Variants in SYNE2 observed in about 807,000 individuals in gnomAD.
The protein encoded by SYNE2 is spectrin repeat containing nuclear envelope protein 2.
In SYNE2, 431 loss-of-function variants were observed where a neutral mutation model predicts 856.3. The observed-to-expected ratio is 0.50, with a 90% CI of 0.47 to 0.55. The LOEUF (loss-of-function observed/expected upper bound fraction) is 0.55. Among genes scored for constraint, SYNE2 ranks in the 20% least tolerant of loss-of-function variants. The pLI, the probability that SYNE2 is intolerant of heterozygous loss-of-function variation, is 0.00. For missense variants in SYNE2, 8,129 were observed against 8,023.2 expected (o/e 1.01, Z -0.50); for synonymous variants, 2,923 against 2,872.3 (o/e 1.02, Z -0.56).
At chr14:63,924,663 T>C (rs1432873503) in intron 2 of SYNE2, among the ~76,000 whole-genome samples, 2 of 152,198 alleles carry the variant, frequency 1.3e-5, no homozygotes, top group African/African-American at 2.4e-5. Flanking sequence ...GATTTTTTCA[T>C]TGGCAGTATA....
chr14:63,978,664 G>T (rs2096563114), intron 13 of SYNE2, among the ~76,000 whole-genome samples, 188 bp from the exon 14 acceptor site: 1 of 152,068 alleles, frequency 6.6e-6, no homozygotes, highest in South Asian at 2.1e-4. Context: ...CCTTAGAAAT[G>T]GTTGTTGTAT....
chr14:64,116,276 T>G (rs551119515), intron 66 of SYNE2, among the ~76,000 whole-genome samples: 1 of 152,202 alleles, frequency 6.6e-6, no homozygotes, highest in South Asian at 2.1e-4. Flanking sequence ...AAGACATAAA[T>G]TAAAACAGCT....
chr14:63,935,840 C>T (rs1390923786), intron 2 of SYNE2, among the ~76,000 whole-genome samples: 1 of 152,114 alleles, frequency 6.6e-6, no homozygotes, highest in African/African-American at 2.4e-5. Context: ...GTAGTCAGAC[C>T]TCATCTCTAC....
chr14:64,172,131 G>A (rs1003875678), intron 94 of SYNE2, among the ~76,000 whole-genome samples: 1 of 152,150 alleles, frequency 6.6e-6, no homozygotes, highest in African/African-American at 2.4e-5. Context: ...GATTACAGGC[G>A]TGAGCCACTG....
At chr14:63,805,488 G>A (rs920764792) in intron 1 of SYNE2, among the ~76,000 whole-genome samples, 1 of 152,140 alleles carries the variant, frequency 6.6e-6, no homozygotes, top group South Asian at 2.1e-4. Flanking sequence ...CCGGGTTCAC[G>A]CCATTCTCCT....
chr14:63,982,875 A>C (rs1304525823), intron 17 of SYNE2, 81 bp downstream of exon 17: 2 of 1,435,488 alleles, frequency 1.4e-6, no homozygotes, highest in Non-Finnish European at 1.9e-6. Flanking sequence ...GTTCATAACC[A>C]ATTGATTTCT....
intron 59 of SYNE2, among the ~76,000 whole-genome samples, chr14:64,090,208 T>C (rs1485258791): frequency 6.6e-6 from 1 of 152,200 alleles, no homozygotes; most frequent in Non-Finnish European, 1.5e-5. Context: ...GCTCTGCCTC[T>C]TACAGACTAA....
chr14:63,851,888 G>C (rs1443907936), upstream of SYNE2, among the ~76,000 whole-genome samples: 1 of 149,274 alleles, frequency 6.7e-6, no homozygotes, highest in Non-Finnish European at 1.5e-5. Context: ...TTTGAGACTA[G>C]CTTGGGCAAC....
At chr14:63,832,897 C>T (rs1256821115) in intron 1 of SYNE2, among the ~76,000 whole-genome samples, 1 of 147,334 alleles carries the variant, frequency 6.8e-6, no homozygotes, top group African/African-American at 2.5e-5. Flanking sequence ...AAAATTAGTC[C>T]GGTATGGTGG....
At chr14:64,184,693 C>G (rs1869212654) in intron 96 of SYNE2, among the ~76,000 whole-genome samples, 1 of 152,070 alleles carries the variant, frequency 6.6e-6, no homozygotes, top group Non-Finnish European at 1.5e-5. Context: ...CCAAAGTGTT[C>G]CACTGTGGAA....
At chr14:64,213,399 G>T (rs1297460781) in intron 105 of SYNE2, among the ~76,000 whole-genome samples, 1 of 152,094 alleles carries the variant, frequency 6.6e-6, no homozygotes, top group Non-Finnish European at 1.5e-5. Flanking sequence ...TTTAGTATTT[G>T]TGCCTTTCTG....
chr14:64,098,818 C>T lies in SYNE2; in HGVS notation c.12378C>T (p.Ser4126=), dbSNP rs36007735. 10,922 of 1,613,616 alleles carry T rather than the reference C, an allele frequency of 6.8e-3. 52 individuals are homozygous for T. Among genetic ancestry groups the T allele is most frequent in the Middle Eastern group, 0.013 (81 of 6,062 alleles). The change falls in exon 63 of 116, where the codon AGC becomes AGT. Residue 4126 remains serine, a synonymous_variant. Transcript: ENST00000555002. ...EEEVEESSVK[S]DNGDEKAEPS... ...AGGTGGAAGAAAGTTCCGTGAAGAG[C>T]GATGTAAGGGAAATGATTTTCTTGT...
At chr14:64,162,593 G>A in intron 88 of SYNE2, 1 of 404,756 alleles carries the variant, frequency 2.5e-6, no homozygotes, top group Non-Finnish European at 4.7e-6. Flanking sequence ...TCAACTGAGT[G>A]TGACCCTGTA....
At position 64,065,572 on chromosome 14, in the gene SYNE2, G is replaced by T; in HGVS notation, c.10353G>T (p.Leu3451=). The T allele has an allele frequency of 6.2e-7, 1 of 1,614,186 alleles. No homozygotes were observed. The highest frequency in any genetic ancestry group is 2.2e-5 in the East Asian group (1 of 44,884). The change falls in exon 51 of 116, where the codon CTG becomes CTT. Residue 3451 remains leucine (L), a synonymous_variant. Coordinates refer to ENST00000555002, the MANE Select transcript of SYNE2 (RefSeq NM_182914.3). ...KIVSALWEKW[L]SLLEAAKEWE... is the part of the protein sequence containing the mutation. The stretch of plus-strand genomic sequence containing the variant: ...TGTCGGCTCTGTGGGAGAAATGGCT[G>T]AGTTTGCTGGAAGCTGCTAAAGAGT...
At chr14:63,832,318 C>T (rs1312332000) in intron 1 of SYNE2, among the ~76,000 whole-genome samples, 5 of 151,774 alleles carry the variant, frequency 3.3e-5, no homozygotes, top group Middle Eastern at 3.4e-3. Context: ...CCATGGGCAA[C>T]ATAGTGGAGA....
At chr14:64,160,929 A>G (rs1242177205) in intron 87 of SYNE2, among the ~76,000 whole-genome samples, 1 of 152,212 alleles carries the variant, frequency 6.6e-6, no homozygotes, top group East Asian at 1.9e-4. Context: ...GAATTAAACT[A>G]AGGAATTTAG....
Position 64,038,977 on chromosome 14 carries a change from G to A in SYNE2, c.7221+7620G>A, listed in dbSNP as rs142326681. ...GCTGCAACATAGGAGGCAGATGGCA[G>A]AGGAGAGTGACAGAGATGAGGCCTG... On this transcript the variant is annotated intron_variant, in intron 45 of 115. Coordinates refer to ENST00000555002, the MANE Select transcript of SYNE2 (RefSeq NM_182914.3). 2.8e-3 allele frequency among the ~76,000 whole-genome samples: 432 copies of A among 152,334 alleles called. 2 individuals are homozygous for A. The highest frequency in any genetic ancestry group is 7.9e-3 in the African/African-American group (328 of 41,568).
In SYNE2 at chr14:63,995,056, G is replaced by T; in HGVS notation, c.2794G>T (p.Glu932Ter). The T allele has an allele frequency of 2.6e-6, 4 of 1,544,304 alleles. No homozygotes were observed. In the South Asian group the frequency reaches 4.6e-5, roughly 18 times the overall value. Residue 932 changes from glutamate (E) to a stop codon, truncating the protein, a stop_gained, in exon 23 of 116, where the codon GAA becomes TAA. Coordinates refer to ENST00000555002, the MANE Select transcript of SYNE2 (RefSeq NM_182914.3). LOFTEE classifies it high-confidence loss of function. Reference protein sequence around the residue: ...VCAKWESLHHELSLYVQQLKI... With the variant: ...VCAKWESLHH ...ATTTTTTTTGTAGTCTCTTCATCATGAACTGTCTTTATATGTTCAACAACT... is the reference window on the plus strand; with the variant it reads ...ATTTTTTTTGTAGTCTCTTCATCATTAACTGTCTTTATATGTTCAACAACT...
intron 46 of SYNE2, chr14:64,048,583 C>T (rs1036864275): frequency 5.1e-5 from 8 of 155,838 alleles, no homozygotes; most frequent in African/African-American, 1.9e-4. Context: ...GTAAAGTAAT[C>T]TAAAAATCCA....
Sources: gnomAD v4.1 joint callset for allele counts (sites outside exome capture counted in the v4.1 genomes callset) on GRCh38, gnomAD v4.1.1 for gene constraint, MANE v1.5 for transcripts, NCBI Gene and HGNC (gene_info 2026-07-23, HGNC 2026-07-21) for gene names.